The following B3GAT2 variants were observed in gnomAD, a reference collection of about 807,000 sequenced individuals.
B3GAT2 encodes beta-1,3-glucuronyltransferase 2.
Under a neutral mutation model 27.8 loss-of-function variants are expected in B3GAT2, and 26 were observed. That is an observed-to-expected ratio of 0.93 (90% CI 0.68 to 1.30). B3GAT2 has a LOEUF of 1.30. Ranked by LOEUF, B3GAT2 falls within the 50% of genes most tolerant of loss-of-function variation. The pLI is 0.00. For missense variants in B3GAT2, 458 were observed against 459.0 expected, an observed-to-expected ratio of 1.00 and a Z score of 0.02; for synonymous variants, 218 against 195.1, an observed-to-expected ratio of 1.12 and a Z score of -0.98.
intron 1 of B3GAT2, among the ~76,000 whole-genome samples, chr6:70,912,582 G>C (rs1162813874): frequency 6.6e-6 from 1 of 152,012 alleles, no homozygotes; most frequent in Non-Finnish European, 1.5e-5. Flanking sequence ...ATATTGACTT[G>C]AGGTTTTCTT....
At chr6:70,883,612 T>G (rs968641747) in intron 2 of B3GAT2, among the ~76,000 whole-genome samples, 1 of 152,070 alleles carries the variant, frequency 6.6e-6, no homozygotes, top group African/African-American at 2.4e-5. Context: ...AGAATTTTGG[T>G]TCAGTGATGG....
chr6:70,938,370 C>A (rs1765331754), intron 1 of B3GAT2, among the ~76,000 whole-genome samples: 1 of 150,266 alleles, frequency 6.7e-6, no homozygotes, highest in South Asian at 2.1e-4. Context: ...ATCAAGCTAC[C>A]AATGACTTTC....
chr6:70,913,339 G>A (rs568993628), intron 1 of B3GAT2, among the ~76,000 whole-genome samples: 31 of 152,132 alleles, frequency 2.0e-4, no homozygotes, highest in African/African-American at 5.3e-4. Flanking sequence ...TAGCTGTGTC[G>A]CAGAGATTTT....
Position 70,861,182 on chromosome 6 carries a change from G to T in B3GAT2, c.*481C>A. ...GACTCCATAGACCTTTTCATTTGTG[G>T]GTTTTTATTTCCTATGATGTATACT... On this transcript the variant is annotated 3_prime_UTR_variant, in exon 4 of 4. Coordinates refer to ENST00000230053, the MANE Select transcript of B3GAT2 (RefSeq NM_080742.3). 1 of 163,078 alleles carries T rather than the reference G, an allele frequency of 6.1e-6. No individual in the cohort carries two copies. Among genetic ancestry groups the T allele is most frequent in the East Asian group, 1.8e-4 (1 of 5,604 alleles). 10.1% of individuals were successfully genotyped at this position (163,078 alleles called of 1,614,324 possible).
At chr6:70,937,940 T>C (rs1312829812) in intron 1 of B3GAT2, among the ~76,000 whole-genome samples, 1 of 151,602 alleles carries the variant, frequency 6.6e-6, no homozygotes, top group Non-Finnish European at 1.5e-5. Flanking sequence ...GGGTATTCAA[T>C]TAGGAAAAGA....
At chr6:70,880,654 A>ATTT (rs372247659) in intron 2 of B3GAT2, among the ~76,000 whole-genome samples, 4 of 141,800 alleles carry the variant, frequency 2.8e-5, no homozygotes, top group Non-Finnish European at 6.2e-5. Context: ...CAGCTGGCTA[A>ATTT]TTTTTTTTTT....
At chr6:70,921,864 G>C (rs988302410) in intron 1 of B3GAT2, among the ~76,000 whole-genome samples, 4 of 152,178 alleles carry the variant, frequency 2.6e-5, no homozygotes, top group African/African-American at 9.7e-5. Context: ...GGGCACCAAG[G>C]CTCAGCTCAT....
At chr6:70,924,807 T>C (rs1334693191) in intron 1 of B3GAT2, among the ~76,000 whole-genome samples, 1 of 152,278 alleles carries the variant, frequency 6.6e-6, no homozygotes, top group African/African-American at 2.4e-5. Context: ...GTAAAACTAA[T>C]GAAAGACCAC....
intron 1 of B3GAT2, among the ~76,000 whole-genome samples, chr6:70,943,993 A>G (rs544056644): frequency 6.6e-6 from 1 of 152,320 alleles, no homozygotes; most frequent in East Asian, 1.9e-4. Context: ...TTGTAAGGTA[A>G]TGAATATATT....
At chr6:70,885,110 A>G (rs1488069225) in intron 2 of B3GAT2, among the ~76,000 whole-genome samples, 1 of 152,192 alleles carries the variant, frequency 6.6e-6, no homozygotes, top group Non-Finnish European at 1.5e-5. Context: ...GAAAACTATT[A>G]CCTACAGATG....
At chr6:70,894,813 C>T (rs187723948) in intron 1 of B3GAT2, among the ~76,000 whole-genome samples, 2 of 152,302 alleles carry the variant, frequency 1.3e-5, no homozygotes, top group East Asian at 3.9e-4. Flanking sequence ...AAAAGAAACA[C>T]ATACCCTAAA....
intron 1 of B3GAT2, among the ~76,000 whole-genome samples, chr6:70,925,091 T>C (rs1005470553): frequency 6.6e-6 from 1 of 152,274 alleles, no homozygotes; most frequent in Non-Finnish European, 1.5e-5. Context: ...ACCTCTGTGA[T>C]TGCACCGCCA....
intron 1 of B3GAT2, among the ~76,000 whole-genome samples, chr6:70,937,554 A>G (rs1335034188): frequency 6.6e-6 from 1 of 152,192 alleles, no homozygotes. Flanking sequence ...CTTATTCACC[A>G]TGATCAAGTG....
chr6:70,896,819 T>C (rs1236698651), intron 1 of B3GAT2, among the ~76,000 whole-genome samples: 1 of 152,214 alleles, frequency 6.6e-6, no homozygotes, highest in Non-Finnish European at 1.5e-5. Flanking sequence ...TGAGGGACAT[T>C]TGGGTTGTTT....
chr6:70,945,979 A>G (rs921684631), intron 1 of B3GAT2, among the ~76,000 whole-genome samples: 7 of 152,130 alleles, frequency 4.6e-5, no homozygotes, highest in Admixed American at 4.6e-4. Context: ...ACTAAGCTTC[A>G]TAAGTGAAGG....
chr6:70,927,052 C>T (rs1278031525), intron 1 of B3GAT2, among the ~76,000 whole-genome samples: 1 of 152,114 alleles, frequency 6.6e-6, no homozygotes, highest in African/African-American at 2.4e-5. Flanking sequence ...ATTTTTAACC[C>T]AGAATTTCAT....
At chr6:70,942,162 T>C (rs1221952846) in intron 1 of B3GAT2, among the ~76,000 whole-genome samples, 2 of 152,226 alleles carry the variant, frequency 1.3e-5, no homozygotes, top group Non-Finnish European at 2.9e-5. Context: ...GACACTGCTA[T>C]GTATACTTTT....
intron 2 of B3GAT2, among the ~76,000 whole-genome samples, chr6:70,881,798 G>GTGTC (rs1772102939): frequency 6.6e-6 from 1 of 152,138 alleles, no homozygotes; most frequent in Non-Finnish European, 1.5e-5. Flanking sequence ...GTGTCCAGGG[G>GTGTC]CTCCCATGAG....
intron 2 of B3GAT2, among the ~76,000 whole-genome samples, chr6:70,893,494 T>A (rs1011945696): frequency 1.3e-5 from 2 of 151,262 alleles, no homozygotes; most frequent in African/African-American, 4.9e-5. Flanking sequence ...CCATAGAAAA[T>A]GAGTTGTTTT....
Sources: allele counts gnomAD v4.1 joint callset (sites outside exome capture counted in the v4.1 genomes callset), GRCh38; gene constraint gnomAD v4.1.1; transcripts MANE v1.5; gene names NCBI Gene and HGNC (gene_info 2026-07-23, HGNC 2026-07-21).